PLS3: variants seen among roughly 807,000 people sequenced by gnomAD.
PLS3 encodes the protein plastin 3, also known as plastin-3.
Under a neutral mutation model 46.5 loss-of-function variants are expected in PLS3, and 11 were observed. The ratio of observed to expected loss-of-function variants is 0.24; its 90% CI spans 0.15 to 0.39. The LOEUF (loss-of-function observed/expected upper bound fraction) is 0.39. Among genes scored for constraint, PLS3 ranks in the 10% least tolerant of loss-of-function variants. PLS3 has a pLI of 1.00. For synonymous variants in PLS3, 167 were observed against 162.2 expected (o/e 1.03, Z -0.22); for missense variants, 308 against 461.8 (o/e 0.67, Z 3.05).
At chrX:115,632,572 G>A (rs1435813740) in intron 5 of PLS3, among the ~76,000 whole-genome samples, 7 of 111,305 alleles carry the variant, frequency 6.3e-5, no homozygotes, top group South Asian at 3.8e-4. Flanking sequence ...TCTTTCTCTC[G>A]CCACTATACT....
chrX:115,602,315 G>T (rs2074452789), intron 1 of PLS3, among the ~76,000 whole-genome samples: 1 of 111,907 alleles, frequency 8.9e-6, no homozygotes, highest in East Asian at 2.8e-4. Flanking sequence ...TTAAGTTAAT[G>T]CTTGATTAAT....
chrX:115,637,980 C>T (rs1311324426), intron 8 of PLS3, among the ~76,000 whole-genome samples: 1 of 111,285 alleles, frequency 9.0e-6, no homozygotes, highest in East Asian at 2.8e-4. Context: ...GGTCTCACTT[C>T]GTCACCCAGG....
intron 4 of PLS3, among the ~76,000 whole-genome samples, chrX:115,629,566 C>T (rs1556638956): frequency 8.9e-6 from 1 of 111,776 alleles, no homozygotes; most frequent in African/African-American, 3.2e-5. Context: ...GGCTTTATTA[C>T]AGTGCATTAT....
intron 9 of PLS3, among the ~76,000 whole-genome samples, chrX:115,642,586 A>T (rs1556641154): frequency 9.0e-6 from 1 of 111,563 alleles, no homozygotes; most frequent in African/African-American, 3.3e-5. Context: ...CCAGGGTTCC[A>T]AGGAGTCCAC....
chrX:115,604,171 G>T (rs1213687312), intron 1 of PLS3, among the ~76,000 whole-genome samples: 1 of 111,886 alleles, frequency 8.9e-6, no homozygotes, highest in Non-Finnish European at 1.9e-5. Context: ...TTTGACTAAA[G>T]ACTTGTAATT....
intron 2 of PLS3, among the ~76,000 whole-genome samples, chrX:115,612,601 T>C (rs782018126): frequency 9.0e-6 from 1 of 111,367 alleles, no homozygotes; most frequent in African/African-American, 3.3e-5. Context: ...AATATGGAAA[T>C]CATTAGATGA....
At chrX:115,592,072 G>A (rs1467624970) in intron 1 of PLS3, among the ~76,000 whole-genome samples, 2 of 111,772 alleles carry the variant, frequency 1.8e-5, no homozygotes, top group Non-Finnish European at 3.8e-5. Flanking sequence ...GGGACTATCC[G>A]GTGAGGGCTC....
rs1418814719 is a variant in PLS3 at position 115,620,816 on chromosome X, C to T, written c.74-1430C>T. Among the ~76,000 whole-genome samples, 8 of 100,051 alleles carry T rather than the reference C, an allele frequency of 8.0e-5. No individual in the cohort carries two copies. In the East Asian group the frequency reaches 2.6e-3, roughly 32 times the overall value. The allele number at this position is 100,051 out of a possible 115,157, so 86.9% of individuals were successfully genotyped here. On this transcript the variant is annotated intron_variant, in intron 2 of 15. Transcript: ENST00000355899. ...TCAAGTGATTCTCCTGCCTCAGCCT[C>T]CCGAGTAGGTGGGACTATAGGCGCC...
intron 9 of PLS3, among the ~76,000 whole-genome samples, chrX:115,640,873 A>C (rs1305271954): frequency 8.9e-6 from 1 of 111,781 alleles, no homozygotes; most frequent in African/African-American, 3.2e-5. Flanking sequence ...TAATAGATTT[A>C]GTGACTATAT....
chrX:115,599,800 T>G (rs2074425640), intron 1 of PLS3, among the ~76,000 whole-genome samples: 1 of 108,759 alleles, frequency 9.2e-6, no homozygotes, highest in Non-Finnish European at 1.9e-5. Context: ...GCCCTGTTAA[T>G]TTTTGTATTT....
At chrX:115,632,099 C>T (rs782131311) in intron 5 of PLS3, among the ~76,000 whole-genome samples, 21 of 111,364 alleles carry the variant, frequency 1.9e-4, no homozygotes, top group African/African-American at 6.5e-4. Flanking sequence ...CCACCGTGCC[C>T]GGCCTCCCTT....
chrX:115,614,515 G>T (rs1484660044), intron 2 of PLS3: 15 of 750,616 alleles, frequency 2.0e-5, no homozygotes, highest in Admixed American at 1.8e-4. Context: ...TATATTTGCT[G>T]CAGTGAGCTA....
intron 13 of PLS3, 79 bp downstream of exon 13, chrX:115,646,614 G>A (rs1174677530): frequency 1.1e-6 from 1 of 872,761 alleles, no homozygotes; most frequent in Non-Finnish European, 1.6e-6. Context: ...TTTAATAAGT[G>A]GATATGTCGA....
intron 1 of PLS3, among the ~76,000 whole-genome samples, chrX:115,586,835 G>T (rs782128102): frequency 1.8e-5 from 2 of 111,959 alleles, no homozygotes; most frequent in Non-Finnish European, 3.8e-5. Context: ...ATATTAAAGA[G>T]ATGTTTTTTC....
intron 1 of PLS3, among the ~76,000 whole-genome samples, chrX:115,578,691 CAAA>C (rs373605509): frequency 7.4e-5 from 2 of 26,964 alleles, no homozygotes; most frequent in African/African-American, 2.5e-4. Context: ...CGCCACTGCA[CAAA>C]AAAAAAAAAA....
At chrX:115,595,529 A>G (rs1168576068) in intron 1 of PLS3, among the ~76,000 whole-genome samples, 1 of 110,299 alleles carries the variant, frequency 9.1e-6, no homozygotes, top group Non-Finnish European at 1.9e-5. Flanking sequence ...GAGAGAATAG[A>G]TGAACCAAGC....
intron 1 of PLS3, among the ~76,000 whole-genome samples, chrX:115,586,843 T>A (rs5987933): frequency 0.015 from 1,663 of 112,004 alleles, 22 homozygotes; most frequent in African/African-American, 0.047. Context: ...GAGATGTTTT[T>A]TCTTTTCACA....
intron 3 of PLS3, among the ~76,000 whole-genome samples, chrX:115,627,265 T>C (rs1338728199): frequency 1.8e-5 from 2 of 112,397 alleles, no homozygotes; most frequent in East Asian, 5.6e-4. Flanking sequence ...TTAGCTGAAA[T>C]CATGATCATT....
intron 1 of PLS3, among the ~76,000 whole-genome samples, chrX:115,598,553 G>A (rs782365047): frequency 3.2e-4 from 36 of 111,586 alleles, no homozygotes; most frequent in African/African-American, 1.1e-3. Context: ...CCAAGATTCC[G>A]TGAAAGTTTT....
Sources: gnomAD v4.1 joint callset for allele counts (sites outside exome capture counted in the v4.1 genomes callset) on GRCh38, gnomAD v4.1.1 for gene constraint, MANE v1.5 for transcripts, NCBI Gene and HGNC (gene_info 2026-07-23, HGNC 2026-07-21) for gene names.